The following KLHL29 variants were observed in gnomAD, a reference collection of about 807,000 sequenced individuals.
KLHL29 encodes kelch-like protein 29.
KLHL29 carries 21 observed loss-of-function variants against 80.4 expected under a neutral mutation model. The observed-to-expected ratio is 0.26, with a 90% confidence interval of 0.19 to 0.38. KLHL29 has a LOEUF of 0.38. KLHL29 is among the 10% of genes least tolerant of loss of function. The pLI is 1.00. For synonymous variants in KLHL29, 511 were observed against 526.8 expected (o/e 0.97, Z 0.41); for missense variants, 867 against 1,223.9 (o/e 0.71, Z 4.35).
rs529386620 is a variant in KLHL29, at chr2:23,585,371, T to A, written c.285+22890T>A. On this transcript the variant is annotated intron_variant, in intron 3 of 13. Coordinates refer to ENST00000486442, the MANE Select transcript of KLHL29 (RefSeq NM_052920.2). ...GAGATTTATGTGACAAGATTATCAATGGTATTAAGCACATTTAGAAGAGAG... is the reference window on the plus strand; with the variant it reads ...GAGATTTATGTGACAAGATTATCAAAGGTATTAAGCACATTTAGAAGAGAG... Among the ~76,000 whole-genome samples the A allele has an allele frequency of 2.6e-5, 4 of 152,310 alleles. No homozygotes were observed. In the East Asian group the frequency reaches 7.7e-4, roughly 29 times the overall value.
chr2:23,420,361 T>A (rs1035524459), intron 1 of KLHL29, among the ~76,000 whole-genome samples: 2 of 152,158 alleles, frequency 1.3e-5, no homozygotes, highest in Admixed American at 6.5e-5. Context: ...TGCAGCCCGT[T>A]GAGCTAAAGG....
At chr2:23,561,202 C>A (rs1257624659) in intron 2 of KLHL29, among the ~76,000 whole-genome samples, 5 of 152,190 alleles carry the variant, frequency 3.3e-5, no homozygotes, top group Non-Finnish European at 7.4e-5. Context: ...CCTCTGAGAC[C>A]GACAGCTTCC....
chr2:23,497,609 G>C (rs932781810), intron 2 of KLHL29, among the ~76,000 whole-genome samples: 10 of 152,206 alleles, frequency 6.6e-5, no homozygotes, highest in Non-Finnish European at 1.3e-4. Context: ...ATTTAGGGAA[G>C]GGAGGGAGCA....
intron 11 of KLHL29, among the ~76,000 whole-genome samples, chr2:23,699,671 A>G (rs1390071598): frequency 6.6e-6 from 1 of 151,832 alleles, no homozygotes; most frequent in Admixed American, 6.6e-5. Context: ...AGATCTGTTC[A>G]ACCCAACCGT....
Position 23,599,318 on chromosome 2 carries a change from A to C in KLHL29, c.285+36837A>C, listed in dbSNP as rs188395710. 2.2e-3 allele frequency among the ~76,000 whole-genome samples: 332 copies of C among 152,246 alleles called. 2 individuals carry two copies. Among genetic ancestry groups the C allele is most frequent in the Non-Finnish European group, 3.2e-3 (216 of 68,012 alleles). On this transcript the variant is annotated intron_variant, in intron 3 of 13. Transcript: ENST00000486442. ...TAAAATAGCCCTTACAAGTTGGTGTAGAAAATGTCAAGGAGCTCTCCAAAT... is the reference window on the plus strand; with the variant it reads ...TAAAATAGCCCTTACAAGTTGGTGTCGAAAATGTCAAGGAGCTCTCCAAAT...
chr2:23,619,615 A>AG (rs1222531459), intron 3 of KLHL29, among the ~76,000 whole-genome samples: 2 of 144,342 alleles, frequency 1.4e-5, no homozygotes, highest in Non-Finnish European at 3.1e-5. Flanking sequence ...AACACAGGGG[A>AG]GAAGCCTCCT....
chr2:23,592,886 A>G (rs1668303678), intron 3 of KLHL29, among the ~76,000 whole-genome samples: 1 of 152,106 alleles, frequency 6.6e-6, no homozygotes, highest in Non-Finnish European at 1.5e-5. Context: ...GGAACTTTAC[A>G]CTTGACCCAA....
intron 3 of KLHL29, among the ~76,000 whole-genome samples, chr2:23,628,509 A>G (rs888632187): frequency 6.6e-6 from 1 of 152,156 alleles, no homozygotes; most frequent in African/African-American, 2.4e-5. Flanking sequence ...TGTTGAGGCC[A>G]GGCATGGTGG....
chr2:23,527,342 G>T (rs541988948), intron 2 of KLHL29, among the ~76,000 whole-genome samples: 61 of 152,296 alleles, frequency 4.0e-4, no homozygotes, highest in Middle Eastern at 3.4e-3. Flanking sequence ...CCCAGGGTGG[G>T]GGCTGGGCAG....
At chr2:23,540,112 G>A (rs558704950) in intron 2 of KLHL29, among the ~76,000 whole-genome samples, 1 of 152,190 alleles carries the variant, frequency 6.6e-6, no homozygotes, top group East Asian at 1.9e-4. Context: ...TCCTTGCCTG[G>A]GCCATTTGCC....
chr2:23,615,252 G>A (rs971955854), intron 3 of KLHL29, among the ~76,000 whole-genome samples: 24 of 152,130 alleles, frequency 1.6e-4, no homozygotes, highest in African/African-American at 5.1e-4. Flanking sequence ...CTGCTGCCTC[G>A]ACTTCTGCTC....
intron 3 of KLHL29, among the ~76,000 whole-genome samples, chr2:23,601,240 AG>A (rs1668560323): frequency 6.6e-6 from 1 of 152,174 alleles, no homozygotes; most frequent in African/African-American, 2.4e-5. Context: ...AGGACCATTG[AG>A]GGGGCCCGGC....
chr2:23,682,268 CCT>C lies in KLHL29; in HGVS notation c.941-2130_941-2129del, dbSNP rs560005137. Among the ~76,000 whole-genome samples the C allele has an allele frequency of 7.8e-4, 119 of 152,334 alleles. No homozygotes were observed. The highest frequency in any genetic ancestry group is 2.7e-3 in the African/African-American group (113 of 41,572). Reference sequence around the variant, plus strand: ...GCACACTCCCACCCGCTGAGCGCTCCCTGTGTGCCCGCCACATGCTGTCTCAT... The same window carrying C: ...GCACACTCCCACCCGCTGAGCGCTCCGTGTGCCCGCCACATGCTGTCTCAT... On this transcript the variant is annotated intron_variant, in intron 5 of 13. Coordinates refer to ENST00000486442, the MANE Select transcript of KLHL29 (RefSeq NM_052920.2). The surrounding 1 kb of genome is among the most constrained non-coding windows in gnomAD (Gnocchi z 4.1).
intron 4 of KLHL29, 114 bp downstream of exon 4, chr2:23,639,394 A>G: frequency 9.7e-7 from 1 of 1,033,080 alleles, no homozygotes; most frequent in Non-Finnish European, 1.4e-6. Flanking sequence ...GGGCCTGCAG[A>G]AGCCCCCTCC....
intron 6 of KLHL29, 48 bp from the exon 7 acceptor site, chr2:23,691,622 GGCAC>G: frequency 6.8e-7 from 1 of 1,478,080 alleles, no homozygotes. Flanking sequence ...GTGAGGAAGC[GGCAC>G]GGTGGCCGCA....
chr2:23,451,333 CTCA>C (rs898595915), intron 1 of KLHL29, among the ~76,000 whole-genome samples: 1 of 152,174 alleles, frequency 6.6e-6, no homozygotes, highest in African/African-American at 2.4e-5. Context: ...AATGTGAGTT[CTCA>C]TCATCTTTCT....
At chr2:23,576,350 T>C (rs1162565801) in intron 3 of KLHL29, among the ~76,000 whole-genome samples, 3 of 152,086 alleles carry the variant, frequency 2.0e-5, no homozygotes, top group South Asian at 2.1e-4. Flanking sequence ...GTGTGAGTTT[T>C]ATTCTTCCAC....
At chr2:23,421,524 T>TTGTGTGTGTGTGTGTGTGTGTGTG (rs57348539) in intron 1 of KLHL29, among the ~76,000 whole-genome samples, 2 of 143,514 alleles carry the variant, frequency 1.4e-5, no homozygotes, top group Non-Finnish European at 1.5e-5. Context: ...TTAGACAAGA[T>TTGTGTGTGTGTGTGTGTGTGTGTG]TGTGTGTGTG....
chr2:23,610,198 C>T (rs965471545), intron 3 of KLHL29, among the ~76,000 whole-genome samples: 6 of 152,078 alleles, frequency 3.9e-5, no homozygotes, highest in Admixed American at 3.3e-4. Flanking sequence ...TGGGATGGGG[C>T]GATACTGCTG....
Sources: allele counts gnomAD v4.1 joint callset (sites outside exome capture counted in the v4.1 genomes callset), GRCh38; gene constraint gnomAD v4.1.1; non-coding constraint Gnocchi (gnomAD v3.1); transcripts MANE v1.5; gene names NCBI Gene and HGNC (gene_info 2026-07-23, HGNC 2026-07-21).